The following CDC42BPG variants were observed in gnomAD, a reference collection of about 807,000 sequenced individuals.
The protein encoded by CDC42BPG is CDC42 binding protein kinase gamma.
Under a neutral mutation model 192.2 loss-of-function variants are expected in CDC42BPG, and 157 were observed. The observed-to-expected ratio is 0.82, with a 90% CI of 0.72 to 0.93. The LOEUF (loss-of-function observed/expected upper bound fraction) is 0.93, where lower values mean the gene tolerates loss of function less well. Among genes scored for constraint, CDC42BPG ranks in the 40% least tolerant of loss-of-function variants. The pLI is 0.00. For synonymous variants in CDC42BPG, 981 were observed against 918.5 expected (o/e 1.07, Z -1.23); for missense variants, 1,992 against 2,122.1 (o/e 0.94, Z 1.20).
chr11:64,834,891 G>T lies in CDC42BPG; in HGVS notation c.2133C>A (p.Ser711=), dbSNP rs991511491. ...LATKMAEELE[S]LRNVGTQTLP... is the part of the protein sequence containing the mutation. ...GCGTCTGGGTGCCTACGTTCCTCAAGGACTCCAGCTCCTCTGCCATCTTGG... is the reference window on the plus strand; with the variant it reads ...GCGTCTGGGTGCCTACGTTCCTCAATGACTCCAGCTCCTCTGCCATCTTGG... Residue 711 remains serine (S), a synonymous_variant, in exon 18 of 37, where the codon TCC becomes TCA. Coordinates refer to ENST00000342711, the MANE Select transcript of CDC42BPG (RefSeq NM_017525.3). The T allele has an allele frequency of 6.2e-7, 1 of 1,614,078 alleles. No individual in the cohort carries two copies. Among genetic ancestry groups the T allele is most frequent in the Non-Finnish European group, 8.5e-7 (1 of 1,180,012 alleles).
rs1174068696 is a variant in CDC42BPG at position 64,838,171 on chromosome 11, G to A, written c.1126-9C>T. On this transcript the variant is annotated splice_polypyrimidine_tract_variant and intron_variant, in intron 8 of 36. Coordinates refer to ENST00000342711, the MANE Select transcript of CDC42BPG (RefSeq NM_017525.3). ...GGCGGTGGCAGGGTCCCCTGCAGAG[G>A]GAGAGGGAAGGAGAGTCAGAGTCCA... 27 of 1,547,476 alleles carry A rather than the reference G, an allele frequency of 1.7e-5. No homozygotes were observed. The highest frequency in any genetic ancestry group is 4.9e-5 in the East Asian group (2 of 41,056).
chr11:64,838,339 G>A (rs1943117584), intron 8 of CDC42BPG, among the ~76,000 whole-genome samples, 177 bp from the exon 9 acceptor site: 1 of 152,194 alleles, frequency 6.6e-6, no homozygotes, highest in Admixed American at 6.5e-5. Flanking sequence ...GAGCTGCTGG[G>A]AGTTTTCTTC....
intron 14 of CDC42BPG, 59 bp from the exon 15 acceptor site, chr11:64,835,680 G>A: frequency 1.9e-6 from 3 of 1,593,354 alleles, no homozygotes; most frequent in Non-Finnish European, 2.6e-6. Context: ...CACCCACCTG[G>A]GACACAGGCC....
Position 64,844,618 on chromosome 11 carries a change from G to A in CDC42BPG, c.-49C>T. On this transcript the variant is annotated 5_prime_UTR_variant, in exon 1 of 37. Transcript: ENST00000342711. ...TCGGCTACAGTCTGGCCGCCCGCAT[G>A]CCCGCCTGTCGGGCCGTCCGTCCGC... 6 of 1,225,310 alleles carry A rather than the reference G, an allele frequency of 4.9e-6. No individual in the cohort carries two copies. The highest frequency in any genetic ancestry group is 3.6e-5 in the South Asian group (1 of 27,866). 75.9% of individuals were successfully genotyped at this position (1,225,310 alleles called of 1,614,324 possible).
At position 64,840,236 on chromosome 11, in the gene CDC42BPG, G is replaced by T. The variant is rs771658465; in HGVS notation, c.465C>A (p.Asp155Glu). 1 of 1,612,788 alleles carries T rather than the reference G, an allele frequency of 6.2e-7. No individual in the cohort carries two copies. Among genetic ancestry groups the T allele is most frequent in the South Asian group, 1.1e-5 (1 of 91,088 alleles). ...CGAAGCGGCTCAGCAGCGTCAGGAG[G>T]TCCCCACCAGCATAGTAGTCCATCA... ...YLVMDYYAGG[D>E]LLTLLSRFED... Residue 155 changes from aspartate to glutamate, a missense_variant, in exon 5 of 37, where the codon GAC becomes GAA. Physicochemically the swap from Asp to Glu is conservative, Grantham distance 45. Around this residue, in one of 2 missense-constraint regions of CDC42BPG, gnomAD observed 1,656 missense variants for 1,844.3 expected, o/e 0.90. Coordinates refer to ENST00000342711, the MANE Select transcript of CDC42BPG (RefSeq NM_017525.3).
rs772569580 is a variant in CDC42BPG at position 64,829,757 on chromosome 11, A to C, written c.3681T>G (p.Thr1227=). 1.9e-6 allele frequency: 3 copies of C among 1,602,242 alleles called. No homozygotes were observed. The highest frequency in any genetic ancestry group is 1.3e-5 in the African/African-American group (1 of 74,532). Residue 1227 remains threonine (T), a synonymous_variant, in exon 30 of 37, where the codon ACT becomes ACG. Coordinates refer to ENST00000342711, the MANE Select transcript of CDC42BPG (RefSeq NM_017525.3). ...CGCCCAGCAGCCCCAGGCTCTGCAC[A>C]GTGGCAGGTGCCTGCAGCTCACGGA... ...RRIRELQAPA[T]VQSLGLLGDR...
In CDC42BPG at chr11:64,836,779, C is replaced by A; in HGVS notation, c.1344G>T (p.Gln448His). 6.3e-7 allele frequency: 1 copy of A among 1,582,416 alleles called. No homozygotes were observed. The highest frequency in any genetic ancestry group is 2.3e-5 in the East Asian group (1 of 43,748). The change falls in exon 11 of 37, where the codon CAG becomes CAT. Residue 448 changes from glutamine to histidine, a missense_variant. Gln to His is a conservative substitution (Grantham distance 24, BLOSUM62 0). This residue lies in a region of CDC42BPG where 1,656 missense variants were observed against 1,844.3 expected (regional missense o/e 0.90). Coordinates refer to ENST00000342711, the MANE Select transcript of CDC42BPG (RefSeq NM_017525.3). Reference protein sequence around the residue: ...HAPTDHRELEQLRKEVQTLRD... With the variant: ...HAPTDHRELEHLRKEVQTLRD... ...GCAGAGTCTGCACTTCCTTCCGTAGCTGCTCCAGCTCCCGATGGTCTGTGG... is the reference window on the plus strand; with the variant it reads ...GCAGAGTCTGCACTTCCTTCCGTAGATGCTCCAGCTCCCGATGGTCTGTGG...
In CDC42BPG at chr11:64,836,719, GGGGTGGGC is replaced by G; in HGVS notation, c.1384+12_1384+19del. 1.2e-6 allele frequency: 1 copy of G among 842,262 alleles called. No individual in the cohort carries two copies. The highest frequency in any genetic ancestry group is 1.7e-6 in the Non-Finnish European group (1 of 582,314). The allele number at this position is 842,262 out of a possible 1,614,324, so 52.2% of individuals were successfully genotyped here. A position where few individuals can be genotyped will look rare whatever the true frequency, so the allele number is the denominator to read the frequency against. ...GGGACTCAGCCCTGGGGGGGGGGGG[GGGGTGGGC>G]GGAAGGGATACCTGGCAGCCTGTCC... On this transcript the variant is annotated intron_variant, in intron 11 of 36. Coordinates refer to ENST00000342711, the MANE Select transcript of CDC42BPG (RefSeq NM_017525.3).
In CDC42BPG at chr11:64,832,754, G is replaced by T. The variant is rs763078089; in HGVS notation, c.2866-11C>A. 1.2e-6 allele frequency: 2 copies of T among 1,600,030 alleles called. No individual in the cohort carries two copies. Among genetic ancestry groups the T allele is most frequent in the Non-Finnish European group, 1.7e-6 (2 of 1,173,506 alleles). On this transcript the variant is annotated splice_polypyrimidine_tract_variant and intron_variant, in intron 25 of 36. Coordinates refer to ENST00000342711, the MANE Select transcript of CDC42BPG (RefSeq NM_017525.3). ...TGAGGGCCGCGGCACCTGGCGGAAA[G>T]GCAAGCATGGGAGGGCTGCAGGGAC...
chr11:64,844,391 G>A lies in CDC42BPG; in HGVS notation c.160+19C>T. On this transcript the variant is annotated intron_variant, in intron 1 of 36. Transcript: ENST00000342711. ...ATATCCCTAGGCCCGCCCCCGCTCC[G>A]TGCCGCCCCGCCACTCACCCCAGCT... The A allele has an allele frequency of 7.2e-7, 1 of 1,396,980 alleles. No homozygotes were observed. Among genetic ancestry groups the A allele is most frequent in the Non-Finnish European group, 9.3e-7 (1 of 1,077,362 alleles). 86.5% of individuals were successfully genotyped at this position (1,396,980 alleles called of 1,614,324 possible).
chr11:64,829,795 A>AGGGCCCAGGGCCC lies in CDC42BPG; in HGVS notation c.3630_3642dup (p.Trp1215GlyfsTer11). The AGGGCCCAGGGCCC allele has an allele frequency of 6.2e-7, 1 of 1,600,650 alleles. No individual in the cohort carries two copies. Among genetic ancestry groups the AGGGCCCAGGGCCC allele is most frequent in the South Asian group, 1.1e-5 (1 of 90,092 alleles). ...TGCAGCTCACGGATGCGGCGCTGCC[A>AGGGCCCAGGGCCC]GGGCCCAGGGCCCGGGCCCAGCTGG... On this transcript the variant is annotated frameshift_variant, in exon 30 of 37. Transcript: ENST00000342711. LOFTEE classifies it high-confidence loss of function.
intron 12 of CDC42BPG, 55 bp downstream of exon 12, chr11:64,836,372 A>ACTCACCC (rs1942987881): frequency 6.6e-7 from 1 of 1,509,990 alleles, no homozygotes; most frequent in Non-Finnish European, 9.2e-7. Context: ...GCCCAGGGCC[A>ACTCACCC]CTCACCCACC....
At chr11:64,832,309 AG>A in intron 27 of CDC42BPG, 118 bp downstream of exon 27, 1 of 1,035,200 alleles carries the variant, frequency 9.7e-7, no homozygotes, top group Admixed American at 2.0e-5. Flanking sequence ...TCACGTGGAA[AG>A]CGTGCTGTGG....
Position 64,832,487 on chromosome 11 carries a change from G to A in CDC42BPG, c.3028C>T (p.Pro1010Ser), listed in dbSNP as rs761572647. ...TGGATAACATCAGAGGCCAGGACAG[G>A]GGTAGCCGAGAACTGGGGGTCCCTG... ...DLRDPQFSAT[P>S]VLASDVIHAQ... Residue 1010 changes from proline (P) to serine (S), a missense_variant, in exon 27 of 37, where the codon CCT (proline) becomes TCT (serine). Physicochemically the swap from Pro to Ser is moderately conservative, Grantham distance 74. This residue lies in a region of CDC42BPG where 1,656 missense variants were observed against 1,844.3 expected (regional missense o/e 0.90). Coordinates refer to ENST00000342711, the MANE Select transcript of CDC42BPG (RefSeq NM_017525.3). The A allele has an allele frequency of 6.2e-7, 1 of 1,614,138 alleles. No homozygotes were observed. The highest frequency in any genetic ancestry group is 2.2e-5 in the East Asian group (1 of 44,890).
intron 5 of CDC42BPG, 83 bp downstream of exon 5, chr11:64,840,037 C>T: frequency 7.3e-7 from 1 of 1,373,858 alleles, no homozygotes; most frequent in Non-Finnish European, 1.0e-6. Context: ...GAGTGCTCAG[C>T]TGACATCAGC....
intron 35 of CDC42BPG, 31 bp from the exon 36 acceptor site, chr11:64,826,586 T>C: frequency 6.3e-7 from 1 of 1,590,330 alleles, no homozygotes; most frequent in Non-Finnish European, 8.6e-7. Context: ...GAGACAAAAA[T>C]ACCAAGATCA....
At chr11:64,837,870 G>A (rs976243623) in intron 9 of CDC42BPG, among the ~76,000 whole-genome samples, 2 of 152,208 alleles carry the variant, frequency 1.3e-5, no homozygotes, top group Non-Finnish European at 2.9e-5. Flanking sequence ...TTCGTGGAAG[G>A]CGCCATGAGA....
rs928491464 is a variant in CDC42BPG, at chr11:64,840,594, C to A, written c.391G>T (p.Val131Leu). 60 of 1,613,872 alleles carry A rather than the reference C, an allele frequency of 3.7e-5. No homozygotes were observed. The highest frequency in any genetic ancestry group is 5.0e-5 in the Non-Finnish European group (59 of 1,180,034). ...DVLVKGDSRW[V>L]TTLHYAFQDE... ...TGGAAGGCATAGTGCAGAGTGGTCA[C>A]CCAACGGCTGTCCCCTTTCACGAGC... Residue 131 changes from valine to leucine, a missense_variant, in exon 4 of 37, where the codon GTG becomes TTG. Around this residue, in one of 2 missense-constraint regions of CDC42BPG, gnomAD observed 1,656 missense variants for 1,844.3 expected, o/e 0.90. Coordinates refer to ENST00000342711, the MANE Select transcript of CDC42BPG (RefSeq NM_017525.3).
In CDC42BPG at chr11:64,844,573, T is replaced by A; in HGVS notation, c.-4A>T. 1 of 1,266,864 alleles carries A rather than the reference T, an allele frequency of 7.9e-7. No individual in the cohort carries two copies. Among genetic ancestry groups the A allele is most frequent in the Non-Finnish European group, 9.9e-7 (1 of 1,006,816 alleles). 78.5% of individuals were successfully genotyped at this position (1,266,864 alleles called of 1,614,324 possible). ...GCGCGCGCAGCCGCCGCTCCATGGC[T>A]GCGGCCGGAGCCTCGCTGCTCGGCT... On this transcript the variant is annotated 5_prime_UTR_variant, in exon 1 of 37. Coordinates refer to ENST00000342711, the MANE Select transcript of CDC42BPG (RefSeq NM_017525.3).
Sources: gnomAD v4.1 joint callset for allele counts (sites outside exome capture counted in the v4.1 genomes callset) on GRCh38, gnomAD v4.1.1 for gene constraint, gnomAD v4.1.1 regional missense constraint, MANE v1.5 for transcripts, NCBI Gene and HGNC (gene_info 2026-07-23, HGNC 2026-07-21) for gene names.